The following SVEP1 variants were observed in gnomAD, a reference collection of about 807,000 sequenced individuals.
SVEP1 encodes the protein sushi, von Willebrand factor type A, EGF and pentraxin domain-containing protein 1.
SVEP1 carries 164 observed loss-of-function variants against 367.3 expected under a neutral mutation model. The ratio of observed to expected loss-of-function variants is 0.45; its 90% CI spans 0.39 to 0.51. SVEP1 has a LOEUF of 0.51. Among genes scored for constraint, SVEP1 ranks in the 20% least tolerant of loss-of-function variants. The probability of loss-of-function intolerance (pLI) is 0.00; values close to 1 mark genes in which losing one functional copy is unlikely to be tolerated. For synonymous variants in SVEP1, 1,666 were observed against 1,611.6 expected (o/e 1.03, Z -0.81); for missense variants, 4,117 against 4,425.3 (o/e 0.93, Z 1.98).
At position 110,407,359 on chromosome 9, in the gene SVEP1, G is replaced by A. The variant is rs1827972072; in HGVS notation, c.8241C>T (p.His2747=). 6.2e-7 allele frequency: 1 copy of A among 1,614,002 alleles called. No homozygotes were observed. The highest frequency in any genetic ancestry group is 8.5e-7 in the Non-Finnish European group (1 of 1,179,890). The change falls in exon 38 of 48, where the codon CAC becomes CAT. Residue 2747 remains histidine (H), a synonymous_variant. Transcript: ENST00000374469. ...GCCTTAAGTCAGAGCCTGCTAGAAT[G>A]TGTCCAGGTTTACAGCTATACTGCA... ...SAVQYSCKPG[H]ILAGSDLRLC...
chr9:110,409,581 A>C (rs529286178), intron 37 of SVEP1, among the ~76,000 whole-genome samples: 2 of 152,336 alleles, frequency 1.3e-5, no homozygotes, highest in South Asian at 4.1e-4. Context: ...TAAATTACTC[A>C]GTTCAAAAAA....
At chr9:110,423,102 C>G (rs1828188800) in intron 36 of SVEP1, among the ~76,000 whole-genome samples, 1 of 127,042 alleles carries the variant, frequency 7.9e-6, no homozygotes. Context: ...CACGTGTACC[C>G]TAAAACTTAG....
intron 46 of SVEP1, among the ~76,000 whole-genome samples, chr9:110,373,631 T>TTTTTTTTTTTTTG (rs1564121570): frequency 6.6e-6 from 1 of 152,080 alleles, no homozygotes; most frequent in African/African-American, 2.4e-5. Context: ...CCCTATGTTT[T>TTTTTTTTTTTTTG]AAGTGGTGGC....
chr9:110,550,289 C>T lies in SVEP1; in HGVS notation c.532-185G>A, dbSNP rs1398490443. ...AGCCTACAATGATCTTCTCACAGAG[C>T]CACAATAAACCTCAAAAGCATTTAA... On this transcript the variant is annotated intron_variant, in intron 1 of 47. Transcript: ENST00000374469. Among the ~76,000 whole-genome samples the T allele has an allele frequency of 2.0e-5, 3 of 152,112 alleles. No homozygotes were observed. The East Asian group carries it at 5.8e-4, about 29-fold the overall frequency.
intron 3 of SVEP1, among the ~76,000 whole-genome samples, chr9:110,532,580 C>T (rs1009682286): frequency 1.3e-5 from 2 of 152,174 alleles, no homozygotes; most frequent in Non-Finnish European, 2.9e-5. Context: ...AGAGATCATT[C>T]AACCCTAGTA....
chr9:110,559,735 C>T (rs1456961430), intron 1 of SVEP1, among the ~76,000 whole-genome samples: 2 of 151,946 alleles, frequency 1.3e-5, no homozygotes, highest in African/African-American at 2.4e-5. Flanking sequence ...TGGATACACA[C>T]ACAAAATGAT....
At chr9:110,463,959 C>G (rs932022933) in intron 18 of SVEP1, among the ~76,000 whole-genome samples, 4 of 151,926 alleles carry the variant, frequency 2.6e-5, no homozygotes, top group African/African-American at 9.7e-5. Context: ...AATTTAGAGA[C>G]TTTTTGGGAA....
In SVEP1 at chr9:110,387,415, A is replaced by G. The variant is rs1827542561; in HGVS notation, c.9930T>C (p.Ala3310=). 1 of 1,612,250 alleles carries G rather than the reference A, an allele frequency of 6.2e-7. No homozygotes were observed. The highest frequency in any genetic ancestry group is 1.3e-5 in the African/African-American group (1 of 74,594). Residue 3310 remains alanine, a synonymous_variant, in exon 42 of 48, where the codon GCT becomes GCC. Coordinates refer to ENST00000374469, the MANE Select transcript of SVEP1 (RefSeq NM_153366.4). ...ETPLEFLNGK[A]DIENRTTGPN... ...GTCCAGTCGTCCTGTTTTCAATGTC[A>G]GCTTTCCCATTGAGAAATTCAAGTG...
rs1829235137 is a variant in SVEP1 at position 110,483,760 on chromosome 9, A to C, written c.1931-67T>G. On this transcript the variant is annotated intron_variant, in intron 9 of 47. Coordinates refer to ENST00000374469, the MANE Select transcript of SVEP1 (RefSeq NM_153366.4). ...TCACAAACGATGAGGAGGTTTTCAAAAGAGAACTGAAGTCGGCTTGTGCTG... is the reference window on the plus strand; with the variant it reads ...TCACAAACGATGAGGAGGTTTTCAACAGAGAACTGAAGTCGGCTTGTGCTG... 21 of 1,211,796 alleles carry C rather than the reference A, an allele frequency of 1.7e-5. 1 individual carries two copies. The East Asian group carries it at 6.0e-4, about 34-fold the overall frequency. The allele number at this position is 1,211,796 out of a possible 1,614,324, so 75.1% of individuals were successfully genotyped here.
At chr9:110,442,438 G>A (rs1277100217) in intron 27 of SVEP1, 1 of 151,132 alleles carries the variant, frequency 6.6e-6, no homozygotes, top group African/African-American at 2.4e-5. Flanking sequence ...AACAATACAT[G>A]GACAATAATT....
chr9:110,379,373 G>C lies in SVEP1; in HGVS notation c.10382C>G (p.Thr3461Arg). 2.5e-6 allele frequency: 4 copies of C among 1,613,692 alleles called. No individual in the cohort carries two copies. Among genetic ancestry groups the C allele is most frequent in the Non-Finnish European group, 3.4e-6 (4 of 1,179,752 alleles). ...TCTGCAAATAGGAGGTGATGTCCAT[G>C]TTCCATTTTCTAAACAAACACTCCT... ...FLRSVCLENGTWTSPPICRAV... is the reference protein window; with the variant it reads ...FLRSVCLENGRWTSPPICRAV... The change falls in exon 44 of 48, where the codon ACA (threonine) becomes AGA (arginine). Residue 3461 changes from threonine to arginine, a missense_variant. By Grantham distance (71) the Thr-to-Arg change is moderately conservative. Around this residue, in one of 4 missense-constraint regions of SVEP1, gnomAD observed 1,765 missense variants for 1,781.1 expected, o/e 0.99. Coordinates refer to ENST00000374469, the MANE Select transcript of SVEP1 (RefSeq NM_153366.4).
intron 44 of SVEP1, among the ~76,000 whole-genome samples, chr9:110,377,576 A>G (rs936907425): frequency 2.0e-5 from 3 of 152,156 alleles, no homozygotes; most frequent in Non-Finnish European, 4.4e-5. Flanking sequence ...CTGTAGCTTT[A>G]TTGAGGTGCA....
intron 36 of SVEP1, among the ~76,000 whole-genome samples, chr9:110,413,041 G>A (rs1828066779): frequency 6.6e-6 from 1 of 151,278 alleles, no homozygotes; most frequent in South Asian, 2.1e-4. Flanking sequence ...CCATTACTGG[G>A]TATATACCCA....
rs1035754887 is a variant in SVEP1 at position 110,407,509 on chromosome 9, C to G, written c.8091G>C (p.Leu2697=). The G allele has an allele frequency of 2.6e-5, 42 of 1,613,858 alleles. No homozygotes were observed. The highest frequency in any genetic ancestry group is 3.5e-5 in the Non-Finnish European group (41 of 1,179,908). ...TCCAAGTTCCATCTTCCTGGCAGAT[C>G]AGCACAGGGTTCCCCAGAAGTTCAT... is the stretch of plus-strand genomic sequence containing the variant. ...PGYELLGNPV[L]ICQEDGTWNG... is the part of the protein sequence containing the mutation. The change falls in exon 38 of 48, where the codon CTG becomes CTC. Residue 2697 remains leucine (L), a synonymous_variant. Transcript: ENST00000374469.
Position 110,579,727 on chromosome 9 carries a change from A to G in SVEP1, c.-184T>C. ...AATCCAGACTCCTCAGCAGCTCGGG[A>G]ACTCCGGAGGGAACGGCGCGCGCTC... On this transcript the variant is annotated 5_prime_UTR_variant, in exon 1 of 48. Transcript: ENST00000374469. The surrounding 1 kb of genome is among the most constrained non-coding windows in gnomAD (Gnocchi z 5.3). 1 of 659,612 alleles carries G rather than the reference A, an allele frequency of 1.5e-6. No homozygotes were observed. The highest frequency in any genetic ancestry group is 2.3e-6 in the Non-Finnish European group (1 of 430,540). The allele number at this position is 659,612 out of a possible 1,614,324, so 40.9% of individuals were successfully genotyped here.
At chr9:110,383,724 G>A (rs9776263) in intron 43 of SVEP1, among the ~76,000 whole-genome samples, 19,756 of 152,214 alleles carry the variant, frequency 0.13, 1,391 homozygotes, top group African/African-American at 0.18. Flanking sequence ...CTGCTGATCT[G>A]TGGAGACCAT....
At chr9:110,404,019 T>A (rs1242294602) in intron 39 of SVEP1, among the ~76,000 whole-genome samples, 1 of 152,168 alleles carries the variant, frequency 6.6e-6, no homozygotes, top group Non-Finnish European at 1.5e-5. Context: ...ATATTGGGCA[T>A]AGCCCATGGC....
At chr9:110,456,231 A>G (rs1213587166) in intron 21 of SVEP1, among the ~76,000 whole-genome samples, 1 of 152,176 alleles carries the variant, frequency 6.6e-6, no homozygotes, top group African/African-American at 2.4e-5. Flanking sequence ...CAATAAAAAT[A>G]CAAATTCTCA....
At chr9:110,518,287 G>A (rs182026363) in intron 3 of SVEP1, among the ~76,000 whole-genome samples, 2 of 152,078 alleles carry the variant, frequency 1.3e-5, no homozygotes. Flanking sequence ...GCCGGGTATG[G>A]TGGTGCACAC....
Sources: gnomAD v4.1 joint callset for allele counts (sites outside exome capture counted in the v4.1 genomes callset) on GRCh38, gnomAD v4.1.1 for gene constraint, gnomAD v4.1.1 regional missense constraint, Gnocchi (gnomAD v3.1) non-coding constraint, MANE v1.5 for transcripts, NCBI Gene and HGNC (gene_info 2026-07-23, HGNC 2026-07-21) for gene names.